HPSE2: variants seen among roughly 807,000 people sequenced by gnomAD.
HPSE2 encodes the protein inactive heparanase-2.
HPSE2 carries 38 observed loss-of-function variants against 60.5 expected under a neutral mutation model. The observed-to-expected ratio is 0.63, with a 90% CI of 0.48 to 0.82. The LOEUF (loss-of-function observed/expected upper bound fraction) is 0.82, where lower values mean the gene tolerates loss of function less well. HPSE2 is among the 40% of genes least tolerant of loss of function. The pLI is 0.00. For synonymous variants in HPSE2, 295 were observed against 293.2 expected (o/e 1.01, Z -0.06); for missense variants, 713 against 740.4 (o/e 0.96, Z 0.43).
chr10:98,684,544 A>G (rs1360960), intron 6 of HPSE2, among the ~76,000 whole-genome samples: 136,676 of 152,204 alleles, frequency 0.9, 62,541 homozygotes, highest in Non-Finnish European at 1. Flanking sequence ...TGTAAACCAT[A>G]AATTCTGACC....
chr10:98,659,095 C>G (rs1044579228), intron 6 of HPSE2, among the ~76,000 whole-genome samples: 1 of 152,088 alleles, frequency 6.6e-6, no homozygotes. Flanking sequence ...CTCACCATTT[C>G]CCACCTCCCT....
chr10:99,253,010 T>C, the HPSE2 span, among the ~76,000 whole-genome samples: 1 of 152,074 alleles, frequency 6.6e-6, no homozygotes, highest in African/African-American at 2.4e-5. Context: ...AAACATTCCA[T>C]GTTCATGGAT....
chr10:98,597,056 GA>G lies in HPSE2; in HGVS notation c.1320+17847del, dbSNP rs538428940. On this transcript the variant is annotated intron_variant, in intron 9 of 11. Transcript: ENST00000370552. ...AGGAGAAGTGCCAAGCAAAAGGGGG[GA>G]AAGTCCCTTATAAAACCATCAGCTC... Among the ~76,000 whole-genome samples the G allele has an allele frequency of 4.3e-3, 654 of 152,100 alleles. 3 individuals are homozygous for G. The highest frequency in any genetic ancestry group is 0.015 in the African/African-American group (630 of 41,514).
chr10:99,156,285 G>C (rs1185104358), intron 2 of HPSE2, among the ~76,000 whole-genome samples: 1 of 122,690 alleles, frequency 8.2e-6, no homozygotes, highest in African/African-American at 2.7e-5. Context: ...AAGCCGGGCA[G>C]AGACACAACC....
intron 9 of HPSE2, among the ~76,000 whole-genome samples, chr10:98,608,635 G>C (rs960179354): frequency 3.3e-5 from 5 of 152,186 alleles, no homozygotes; most frequent in Admixed American, 6.5e-5. Context: ...GCCAGCCTGA[G>C]TCTCAGTGAT....
intron 3 of HPSE2, among the ~76,000 whole-genome samples, chr10:99,133,865 G>A (rs2135746757): frequency 6.6e-6 from 1 of 152,304 alleles, no homozygotes; most frequent in East Asian, 1.9e-4. Flanking sequence ...ACTAGATGGA[G>A]AATGAGTTTG....
chr10:99,255,011 T>C, the HPSE2 span, among the ~76,000 whole-genome samples: 10 of 152,146 alleles, frequency 6.6e-5, 1 homozygote, highest in Non-Finnish European at 1.5e-4. Context: ...TAAAAATCCA[T>C]GAATATACTA....
At position 98,697,474 on chromosome 10, in the gene HPSE2, A is replaced by G. The variant is rs542142334; in HGVS notation, c.957-3527T>C. 2.4e-4 allele frequency among the ~76,000 whole-genome samples: 36 copies of G among 152,332 alleles called. No individual in the cohort carries two copies. The South Asian group carries it at 7.0e-3, about 30-fold the overall frequency. On this transcript the variant is annotated intron_variant, in intron 5 of 11. Coordinates refer to ENST00000370552, the MANE Select transcript of HPSE2 (RefSeq NM_021828.5). ...GAATAGAGAAAAAAGAATGAAAAGG[A>G]ATGAACAAACCCTCTGGGAAATATG...
chr10:99,047,141 A>T (rs1486903494), intron 3 of HPSE2, among the ~76,000 whole-genome samples: 1 of 152,194 alleles, frequency 6.6e-6, no homozygotes, highest in East Asian at 1.9e-4. Flanking sequence ...TCCATGAAAC[A>T]GAGTAGCAAA....
chr10:99,002,376 C>T (rs1049129068), intron 3 of HPSE2, among the ~76,000 whole-genome samples: 7 of 151,972 alleles, frequency 4.6e-5, no homozygotes, highest in African/African-American at 1.7e-4. Context: ...GGTATGGATA[C>T]CGAGGAAGGG....
chr10:98,832,940 C>A (rs958377804), intron 3 of HPSE2, among the ~76,000 whole-genome samples: 23 of 152,092 alleles, frequency 1.5e-4, no homozygotes, highest in African/African-American at 5.3e-4. Flanking sequence ...GCTGACAGAA[C>A]GGCTGTTTTA....
rs183248339 is a variant in HPSE2, at chr10:99,160,396, T to C, written c.449-15997A>G. ...AGATACTACTACACACCCACTAGAATAGTTATAACCCAGAAAACCGACAAT... is the reference window on the plus strand; with the variant it reads ...AGATACTACTACACACCCACTAGAACAGTTATAACCCAGAAAACCGACAAT... On this transcript the variant is annotated intron_variant, in intron 2 of 11. Transcript: ENST00000370552. 3.3e-5 allele frequency among the ~76,000 whole-genome samples: 5 copies of C among 152,216 alleles called. No individual in the cohort carries two copies. The East Asian group carries it at 9.7e-4, about 29-fold the overall frequency.
chr10:98,563,917 T>C (rs1357708485), intron 9 of HPSE2, among the ~76,000 whole-genome samples: 2 of 152,242 alleles, frequency 1.3e-5, no homozygotes, highest in Non-Finnish European at 2.9e-5. Context: ...CCTGGCATAC[T>C]ACGAGGGCTG....
At chr10:99,016,564 A>G (rs1244999598) in intron 3 of HPSE2, among the ~76,000 whole-genome samples, 1 of 152,058 alleles carries the variant, frequency 6.6e-6, no homozygotes, top group Non-Finnish European at 1.5e-5. Context: ...TAGTTCTGTG[A>G]ACAATGTCAA....
chr10:99,267,093 C>G, the HPSE2 span, among the ~76,000 whole-genome samples: 1 of 152,040 alleles, frequency 6.6e-6, no homozygotes, highest in Non-Finnish European at 1.5e-5. Flanking sequence ...AAACAAGGTT[C>G]TTTAACACCC....
intron 5 of HPSE2, among the ~76,000 whole-genome samples, chr10:98,720,290 T>C (rs1948890526): frequency 6.6e-6 from 1 of 151,834 alleles, no homozygotes; most frequent in East Asian, 1.9e-4. Flanking sequence ...CTAACCAAAT[T>C]TGGGGGATAA....
chr10:98,576,562 A>G (rs1223611923), intron 9 of HPSE2, among the ~76,000 whole-genome samples: 2 of 152,144 alleles, frequency 1.3e-5, no homozygotes, highest in Non-Finnish European at 1.5e-5. Context: ...TGGGGGACAG[A>G]GGAGAGAAGA....
chr10:98,650,658 T>C (rs1946891058), intron 6 of HPSE2, among the ~76,000 whole-genome samples: 1 of 152,198 alleles, frequency 6.6e-6, no homozygotes, highest in South Asian at 2.1e-4. Context: ...TTAGACATAC[T>C]GAGCCTGGTG....
At chr10:98,976,280 G>T (rs1410492565) in intron 3 of HPSE2, among the ~76,000 whole-genome samples, 2 of 152,110 alleles carry the variant, frequency 1.3e-5, no homozygotes, top group African/African-American at 4.8e-5. Context: ...TATAGCAATA[G>T]CTAATAATAG....
Sources: allele counts gnomAD v4.1 joint callset (sites outside exome capture counted in the v4.1 genomes callset), GRCh38; gene constraint gnomAD v4.1.1; transcripts MANE v1.5; gene names NCBI Gene and HGNC (gene_info 2026-07-23, HGNC 2026-07-21).